AUTS2: variants seen among roughly 807,000 people sequenced by gnomAD.
The protein encoded by AUTS2 is activator of transcription and developmental regulator AUTS2.
A neutral mutation model predicts 112.4 loss-of-function variants in AUTS2; 17 were observed. That is an observed-to-expected ratio of 0.15 (90% CI 0.10 to 0.23). AUTS2 has a LOEUF of 0.23. AUTS2 is among the 10% of genes least tolerant of loss of function. The pLI is 1.00. For missense variants in AUTS2, 1,510 were observed against 1,701.6 expected, an observed-to-expected ratio of 0.89 and a Z score of 1.98; for synonymous variants, 751 against 702.7, an observed-to-expected ratio of 1.07 and a Z score of -1.09.
chr7:70,393,044 C>T (rs1412913671), intron 4 of AUTS2, among the ~76,000 whole-genome samples: 1 of 152,230 alleles, frequency 6.6e-6, no homozygotes, highest in African/African-American at 2.4e-5. Context: ...CAACCGACTG[C>T]TCCCGACAGG....
intron 4 of AUTS2, among the ~76,000 whole-genome samples, chr7:70,296,984 G>A (rs982260301): frequency 2.0e-5 from 3 of 150,566 alleles, no homozygotes; most frequent in African/African-American, 7.3e-5. Context: ...TGGGACCACA[G>A]GTGTGCACCA....
At chr7:69,797,398 T>C (rs529312258) in intron 1 of AUTS2, among the ~76,000 whole-genome samples, 13 of 152,332 alleles carry the variant, frequency 8.5e-5, no homozygotes, top group African/African-American at 2.6e-4. Context: ...TGCTGTGCTT[T>C]TCCAGTGCCC....
chr7:70,004,260 ATATAT>A (rs1395303752), intron 2 of AUTS2, among the ~76,000 whole-genome samples: 5 of 132,982 alleles, frequency 3.8e-5, no homozygotes, highest in African/African-American at 1.1e-4. Context: ...TTATATGTGA[ATATAT>A]TATATATATG....
intron 2 of AUTS2, among the ~76,000 whole-genome samples, chr7:70,086,282 G>T (rs557278141): frequency 6.6e-6 from 1 of 152,126 alleles, no homozygotes; most frequent in Non-Finnish European, 1.5e-5. Context: ...GCAGTATTGA[G>T]TCTTTTAACT....
At chr7:70,461,609 G>A (rs1425917310) in intron 5 of AUTS2, among the ~76,000 whole-genome samples, 2 of 152,186 alleles carry the variant, frequency 1.3e-5, no homozygotes, top group African/African-American at 4.8e-5. Context: ...CATTGAGAAA[G>A]CATTTACTTA....
chr7:70,309,509 T>C (rs1789639366), intron 4 of AUTS2, among the ~76,000 whole-genome samples: 1 of 152,232 alleles, frequency 6.6e-6, no homozygotes, highest in South Asian at 2.1e-4. Context: ...GTCTCTAATA[T>C]CCTTTCTGTA....
intron 4 of AUTS2, among the ~76,000 whole-genome samples, chr7:70,434,199 T>C (rs1219251062): frequency 6.6e-6 from 1 of 152,212 alleles, no homozygotes; most frequent in African/African-American, 2.4e-5. Context: ...CAGAATCTCA[T>C]TGGCCAAAGA....
chr7:70,423,933 T>C (rs1795325636), intron 4 of AUTS2, among the ~76,000 whole-genome samples: 1 of 152,206 alleles, frequency 6.6e-6, no homozygotes, highest in Non-Finnish European at 1.5e-5. Flanking sequence ...TTTAAATAAT[T>C]AGTAAGTTAC....
intron 1 of AUTS2, among the ~76,000 whole-genome samples, chr7:69,798,684 G>A (rs370209455): frequency 7.2e-5 from 11 of 152,210 alleles, no homozygotes; most frequent in Middle Eastern, 3.4e-3. Context: ...AAATTAGTAC[G>A]GAAGTTGCCC....
intron 2 of AUTS2, among the ~76,000 whole-genome samples, chr7:70,066,797 C>T (rs1802517320): frequency 6.6e-6 from 1 of 152,188 alleles, no homozygotes; most frequent in African/African-American, 2.4e-5. Context: ...ACCTCAGCCT[C>T]CCAAAGTGCT....
chr7:70,445,257 T>C (rs1005985755), intron 5 of AUTS2, among the ~76,000 whole-genome samples: 1 of 152,122 alleles, frequency 6.6e-6, no homozygotes, highest in Non-Finnish European at 1.5e-5. Flanking sequence ...AAGTTGTGTC[T>C]TAGGATTCCA....
At chr7:69,929,978 A>G (rs1258691869) in intron 2 of AUTS2, among the ~76,000 whole-genome samples, 2 of 152,162 alleles carry the variant, frequency 1.3e-5, no homozygotes, top group Non-Finnish European at 2.9e-5. Context: ...GGATGCAGTA[A>G]AGTTACTTAG....
intron 2 of AUTS2, among the ~76,000 whole-genome samples, chr7:69,926,612 T>C (rs1316887023): frequency 1.3e-5 from 2 of 151,942 alleles, no homozygotes; most frequent in Non-Finnish European, 2.9e-5. Context: ...ATTTGTTTTT[T>C]GTTAGTCGCA....
intron 4 of AUTS2, among the ~76,000 whole-genome samples, chr7:70,356,155 C>A (rs546322682): frequency 6.6e-6 from 1 of 152,246 alleles, no homozygotes; most frequent in East Asian, 1.9e-4. Flanking sequence ...TGGGACCCTG[C>A]TACAGATCAG....
At chr7:70,523,199 T>A (rs1799711578) in intron 5 of AUTS2, among the ~76,000 whole-genome samples, 1 of 152,188 alleles carries the variant, frequency 6.6e-6, no homozygotes, top group South Asian at 2.1e-4. Context: ...TGACAGCAGT[T>A]CTGTGTGGGG....
intron 1 of AUTS2, among the ~76,000 whole-genome samples, chr7:69,628,697 C>G (rs188805893): frequency 1.3e-5 from 2 of 152,206 alleles, no homozygotes; most frequent in Non-Finnish European, 2.9e-5. Flanking sequence ...AGATGCCACA[C>G]TTTTAAACAA....
At chr7:69,629,679 G>A (rs1176827139) in intron 1 of AUTS2, among the ~76,000 whole-genome samples, 1 of 152,164 alleles carries the variant, frequency 6.6e-6, no homozygotes, top group African/African-American at 2.4e-5. Context: ...TTTTCATGGA[G>A]TAATTTCCTA....
intron 4 of AUTS2, among the ~76,000 whole-genome samples, chr7:70,381,865 T>G (rs1281423191): frequency 2.6e-5 from 4 of 152,166 alleles, no homozygotes; most frequent in Middle Eastern, 3.2e-3. Context: ...CGTTGATCCT[T>G]TAATTTCAAA....
intron 4 of AUTS2, among the ~76,000 whole-genome samples, chr7:70,224,885 A>G (rs1223161204): frequency 2.0e-5 from 3 of 152,256 alleles, no homozygotes; most frequent in African/African-American, 7.2e-5. Flanking sequence ...ATGCAAGTTT[A>G]TAGCCTAGGA....
Sources: gnomAD v4.1 joint callset for allele counts (sites outside exome capture counted in the v4.1 genomes callset) on GRCh38, gnomAD v4.1.1 for gene constraint, MANE v1.5 for transcripts, NCBI Gene and HGNC (gene_info 2026-07-23, HGNC 2026-07-21) for gene names.